PRTG: variants seen among roughly 807,000 people sequenced by gnomAD.
PRTG encodes protogenin, also known as immunoglobulin superfamily, DCC subclass, member 5.
PRTG carries 67 observed loss-of-function variants against 122.5 expected under a neutral mutation model. The observed-to-expected ratio is 0.55, with a 90% CI of 0.45 to 0.67. The LOEUF (loss-of-function observed/expected upper bound fraction) is 0.67. PRTG is among the 30% of genes least tolerant of loss of function. The pLI, the probability that PRTG is intolerant of heterozygous loss-of-function variation, is 0.00. For missense variants in PRTG, 1,435 were observed against 1,415.4 expected, an observed-to-expected ratio of 1.01 and a Z score of -0.22; for synonymous variants, 554 against 501.1, an observed-to-expected ratio of 1.11 and a Z score of -1.41.
intron 11 of PRTG, among the ~76,000 whole-genome samples, chr15:55,644,090 T>G (rs938437521): frequency 6.6e-6 from 1 of 152,118 alleles, no homozygotes; most frequent in African/African-American, 2.4e-5. Flanking sequence ...CCACCTACCT[T>G]GGCCTCACAA....
chr15:55,638,107 G>C lies in PRTG; in HGVS notation c.2452+442C>G, dbSNP rs532398997. Among the ~76,000 whole-genome samples the C allele has an allele frequency of 6.6e-5, 10 of 152,298 alleles. No individual in the cohort carries two copies. In the East Asian group the frequency reaches 1.9e-3, roughly 29 times the overall value. On this transcript the variant is annotated intron_variant, in intron 14 of 19. Transcript: ENST00000389286. ...CTAGAGACATAAAATATCTTAGCTAGAGCCACAGATAAGCTACAGAATTGG... is the reference window on the plus strand; with the variant it reads ...CTAGAGACATAAAATATCTTAGCTACAGCCACAGATAAGCTACAGAATTGG...
chr15:55,640,152 C>T (rs1028217847), intron 12 of PRTG, among the ~76,000 whole-genome samples: 4 of 152,168 alleles, frequency 2.6e-5, no homozygotes, highest in African/African-American at 4.8e-5. Flanking sequence ...CTACTGCACA[C>T]CTGGGCTTTA....
At chr15:55,741,574 C>T (rs552943355) in intron 1 of PRTG, among the ~76,000 whole-genome samples, 143 of 152,256 alleles carry the variant, frequency 9.4e-4, no homozygotes, top group African/African-American at 3.2e-3. Flanking sequence ...TCTGTCACCT[C>T]CTGCATTTAG....
At chr15:55,723,392 TA>T (rs74974276) in intron 2 of PRTG, among the ~76,000 whole-genome samples, 2,646 of 103,932 alleles carry the variant, frequency 0.025, 28 homozygotes, top group African/African-American at 0.06. Context: ...TATAATGATC[TA>T]AAAAAAAAAA....
At chr15:55,720,556 T>C (rs910103803) in intron 2 of PRTG, among the ~76,000 whole-genome samples, 1 of 152,204 alleles carries the variant, frequency 6.6e-6, no homozygotes, top group Non-Finnish European at 1.5e-5. Context: ...TTTGTACTCA[T>C]GTGGTCGTCC....
In PRTG at chr15:55,663,199, G is replaced by A. The variant is rs866205602; in HGVS notation, c.2041+9246C>T. 5.3e-5 allele frequency among the ~76,000 whole-genome samples: 8 copies of A among 152,110 alleles called. No homozygotes were observed. In the South Asian group the frequency reaches 1.7e-3, roughly 32 times the overall value. ...CTGTGGGTTCTACATTCAATCCTGAGCAATCTAAATGTCTAGGAGAAACTG... is the reference window on the plus strand; with the variant it reads ...CTGTGGGTTCTACATTCAATCCTGAACAATCTAAATGTCTAGGAGAAACTG... On this transcript the variant is annotated intron_variant, in intron 11 of 19. Transcript: ENST00000389286.
intron 2 of PRTG, among the ~76,000 whole-genome samples, chr15:55,712,449 T>C (rs1722639826): frequency 6.6e-6 from 1 of 152,240 alleles, no homozygotes; most frequent in South Asian, 2.1e-4. Flanking sequence ...GTGGATTTGA[T>C]TTCTTTGGGT....
Position 55,614,247 on chromosome 15 carries a change from A to T in PRTG, c.*5765T>A, listed in dbSNP as rs2059132769. 1 of 152,106 alleles carries T rather than the reference A, an allele frequency of 6.6e-6. No individual in the cohort carries two copies. Among genetic ancestry groups the T allele is most frequent in the South Asian group, 2.1e-4 (1 of 4,832 alleles). 9.4% of individuals were successfully genotyped at this position (152,106 alleles called of 1,614,324 possible). On this transcript the variant is annotated 3_prime_UTR_variant, in exon 20 of 20. Coordinates refer to ENST00000389286, the MANE Select transcript of PRTG (RefSeq NM_173814.6). ...ACCAGGAAAAGGCCGATTGGAACCAAAAAAGAATGACAAGAAAGATCAAAT... is the reference window on the plus strand; with the variant it reads ...ACCAGGAAAAGGCCGATTGGAACCATAAAAGAATGACAAGAAAGATCAAAT...
rs1257309285 is a variant in PRTG, at chr15:55,612,840, A to G, written c.*7172T>C. The G allele has an allele frequency of 6.6e-6, 1 of 150,956 alleles. No homozygotes were observed. The highest frequency in any genetic ancestry group is 1.5e-5 in the Non-Finnish European group (1 of 67,804). 9.4% of individuals were successfully genotyped at this position (150,956 alleles called of 1,614,324 possible). ...TCTTATGATTTTATCCACCTAACAT[A>G]TGAGTGTTTCCATTTCAGCTATATC... On this transcript the variant is annotated 3_prime_UTR_variant, in exon 20 of 20. Coordinates refer to ENST00000389286, the MANE Select transcript of PRTG (RefSeq NM_173814.6).
chr15:55,624,957 C>A (rs1033248853), intron 17 of PRTG, among the ~76,000 whole-genome samples: 1 of 152,026 alleles, frequency 6.6e-6, no homozygotes, highest in Non-Finnish European at 1.5e-5. Flanking sequence ...GAAACTTGGA[C>A]AATAAAACTA....
intron 2 of PRTG, among the ~76,000 whole-genome samples, chr15:55,707,428 G>A (rs1273517718): frequency 1.3e-5 from 2 of 152,222 alleles, no homozygotes; most frequent in Admixed American, 6.5e-5. Flanking sequence ...CTCTATGCCT[G>A]TTAAAGGTCT....
At chr15:55,661,205 G>A (rs969711673) in intron 11 of PRTG, among the ~76,000 whole-genome samples, 1 of 152,274 alleles carries the variant, frequency 6.6e-6, no homozygotes, top group South Asian at 2.1e-4. Flanking sequence ...GCCAGCAGGA[G>A]GGGATATTCC....
At chr15:55,628,631 G>A (rs1351200820) in intron 16 of PRTG, among the ~76,000 whole-genome samples, 191 bp downstream of exon 16, 2 of 152,140 alleles carry the variant, frequency 1.3e-5, no homozygotes, top group Non-Finnish European at 2.9e-5. Context: ...TTGATTCTGA[G>A]ATAATTTTGC....
chr15:55,693,322 G>A lies in PRTG; in HGVS notation c.398-9391C>T, dbSNP rs12909804. The stretch of plus-strand genomic sequence containing the variant: ...AAACACGAAATCAGCCGGGCGTGGC[G>A]GCGCATGCCTGCAATCCCAGCTACT... On this transcript the variant is annotated intron_variant, in intron 2 of 19. Coordinates refer to ENST00000389286, the MANE Select transcript of PRTG (RefSeq NM_173814.6). Among the ~76,000 whole-genome samples the A allele has an allele frequency of 2.9e-3, 440 of 152,238 alleles. 2 individuals carry two copies. The highest frequency in any genetic ancestry group is 9.3e-3 in the Admixed American group (142 of 15,302).
chr15:55,641,219 A>C lies in PRTG; in HGVS notation c.2042-11T>G. On this transcript the variant is annotated splice_polypyrimidine_tract_variant and intron_variant, in intron 11 of 19. Coordinates refer to ENST00000389286, the MANE Select transcript of PRTG (RefSeq NM_173814.6). Reference sequence around the variant, plus strand: ...ATTTTCTTCTGGGGTCTATAAAGAAACCAATAGGAAATAATTAGGACCAGG... The same window carrying C: ...ATTTTCTTCTGGGGTCTATAAAGAACCCAATAGGAAATAATTAGGACCAGG... 6.3e-7 allele frequency: 1 copy of C among 1,576,920 alleles called. No homozygotes were observed. The highest frequency in any genetic ancestry group is 8.7e-7 in the Non-Finnish European group (1 of 1,146,510).
chr15:55,634,522 G>A (rs1278408088), intron 15 of PRTG, among the ~76,000 whole-genome samples: 1 of 152,124 alleles, frequency 6.6e-6, no homozygotes, highest in Non-Finnish European at 1.5e-5. Context: ...GGACTTGAAT[G>A]ACTGAAACTA....
chr15:55,738,462 T>C (rs1254437472), intron 2 of PRTG: 2 of 701,232 alleles, frequency 2.9e-6, no homozygotes, highest in Admixed American at 2.0e-5. Flanking sequence ...CATCTTCTCA[T>C]GGCCTATCTG....
At chr15:55,620,842 T>A (rs2059162397) in intron 18 of PRTG, 75 bp from the exon 19 acceptor site, 13 of 1,244,542 alleles carry the variant, frequency 1.0e-5, no homozygotes, top group Non-Finnish European at 1.4e-5. Flanking sequence ...TAGTGCATAC[T>A]TTAACTTTTA....
At chr15:55,714,415 G>C (rs925878573) in intron 2 of PRTG, among the ~76,000 whole-genome samples, 1 of 150,826 alleles carries the variant, frequency 6.6e-6, no homozygotes, top group Non-Finnish European at 1.5e-5. Flanking sequence ...ATTTTTTGTA[G>C]ACAGGAGGTG....
Sources: allele counts gnomAD v4.1 joint callset (sites outside exome capture counted in the v4.1 genomes callset), GRCh38; gene constraint gnomAD v4.1.1; transcripts MANE v1.5; gene names NCBI Gene and HGNC (gene_info 2026-07-23, HGNC 2026-07-21).